The following PAX2 variants were observed in gnomAD, a reference collection of about 807,000 sequenced individuals.
PAX2 encodes paired box protein Pax-2.
A neutral mutation model predicts 41.7 loss-of-function variants in PAX2; 9 were observed. The observed-to-expected ratio is 0.22, with a 90% CI of 0.13 to 0.38. PAX2 has a LOEUF of 0.38. PAX2 is among the 10% of genes least tolerant of loss of function. The probability of loss-of-function intolerance (pLI) is 1.00; values close to 1 mark genes in which losing one functional copy is unlikely to be tolerated. For synonymous variants in PAX2, 221 were observed against 212.7 expected (o/e 1.04, Z -0.34); for missense variants, 418 against 531.6 (o/e 0.79, Z 2.10).
intron 3 of PAX2, among the ~76,000 whole-genome samples, chr10:100,753,473 C>T (rs1845518030): frequency 6.6e-6 from 1 of 152,184 alleles, no homozygotes; most frequent in South Asian, 2.1e-4. Context: ...TGCCTTTTAT[C>T]AGTTCTGGGA....
intron 3 of PAX2, among the ~76,000 whole-genome samples, chr10:100,754,743 C>T (rs544592243): frequency 2.6e-5 from 4 of 152,298 alleles, no homozygotes; most frequent in Admixed American, 6.5e-5. Flanking sequence ...AGATATGTTC[C>T]GGGCTAGGGT....
chr10:100,760,453 A>T (rs1165777468), intron 3 of PAX2, among the ~76,000 whole-genome samples: 1 of 152,204 alleles, frequency 6.6e-6, no homozygotes, highest in African/African-American at 2.4e-5. Context: ...GTCCCGACAC[A>T]TCTAGTCTGT....
chr10:100,764,432 G>A (rs1245996479), intron 3 of PAX2, among the ~76,000 whole-genome samples: 9 of 152,096 alleles, frequency 5.9e-5, no homozygotes, highest in African/African-American at 1.9e-4. Flanking sequence ...GTCAGCCACC[G>A]TGGCCGGCCT....
chr10:100,762,463 G>A (rs1845873637), intron 3 of PAX2, among the ~76,000 whole-genome samples: 1 of 152,156 alleles, frequency 6.6e-6, no homozygotes, highest in Non-Finnish European at 1.5e-5. Flanking sequence ...TCCCTTGCAA[G>A]GAGTCATTTA....
At chr10:100,811,914 G>C (rs1413001394) in intron 7 of PAX2, among the ~76,000 whole-genome samples, 1 of 152,204 alleles carries the variant, frequency 6.6e-6, no homozygotes, top group Non-Finnish European at 1.5e-5. Flanking sequence ...GAATGCCCTA[G>C]CCCAACCTGA....
chr10:100,757,930 G>T (rs1458085577), intron 3 of PAX2, among the ~76,000 whole-genome samples: 1 of 152,174 alleles, frequency 6.6e-6, no homozygotes, highest in Non-Finnish European at 1.5e-5. Context: ...GGAACTCTCA[G>T]GTAAGAGAGG....
At chr10:100,781,462 G>A (rs1846620949) in intron 5 of PAX2, 97 bp downstream of exon 5, 1 of 1,310,174 alleles carries the variant, frequency 7.6e-7, no homozygotes, top group African/African-American at 1.4e-5. Flanking sequence ...GCTCTGCTGT[G>A]AGATCAATTT....
chr10:100,789,793 G>A (rs968625410), intron 5 of PAX2, among the ~76,000 whole-genome samples: 6 of 152,198 alleles, frequency 3.9e-5, no homozygotes, highest in Non-Finnish European at 5.9e-5. Context: ...CCTGAGGGGG[G>A]AGGTTTTCTG....
At chr10:100,742,489 G>T (rs1206306707), upstream of PAX2, among the ~76,000 whole-genome samples, 3 of 152,158 alleles carry the variant, frequency 2.0e-5, no homozygotes, top group African/African-American at 7.2e-5. Context: ...GGGCAAGCCT[G>T]GCAGGGAAGG....
At chr10:100,781,398 T>G in intron 5 of PAX2, 33 bp downstream of exon 5, 1 of 1,612,288 alleles carries the variant, frequency 6.2e-7, no homozygotes, top group African/African-American at 1.3e-5. Context: ...GGCTTCCCCT[T>G]CACATGCTTT....
rs199825987 is a variant in PAX2, at chr10:100,746,260, C to G, written c.-1C>G. ...CGCTGCTCCCGCTCCTCTGCCTCCC[C>G]ATGGATATGCACTGCAAAGCAGACC... On this transcript the variant is annotated 5_prime_UTR_variant, in exon 1 of 10. Coordinates refer to ENST00000355243, the MANE Select transcript of PAX2 (RefSeq NM_000278.5). The G allele has an allele frequency of 1.1e-5, 17 of 1,613,726 alleles. No individual in the cohort carries two copies. In the African/African-American group the frequency reaches 2.0e-4, roughly 19 times the overall value.
Position 100,824,562 on chromosome 10 carries a change from G to A in PAX2, c.920-86G>A. The stretch of plus-strand genomic sequence containing the variant: ...GCACAGAGCTCTTTCCTCTCCAAGA[G>A]TTTCCTCTCCGTGCAGTACCCTGGT... On this transcript the variant is annotated intron_variant, in intron 7 of 9. Coordinates refer to ENST00000355243, the MANE Select transcript of PAX2 (RefSeq NM_000278.5). The surrounding 1 kb of genome is among the most constrained non-coding windows in gnomAD (Gnocchi z 6.6). The A allele has an allele frequency of 1.0e-6, 1 of 964,006 alleles. No individual in the cohort carries two copies. The highest frequency in any genetic ancestry group is 2.4e-5 in the East Asian group (1 of 42,070). 59.7% of individuals were successfully genotyped at this position (964,006 alleles called of 1,614,324 possible). A position where few individuals can be genotyped will look rare whatever the true frequency, so the allele number is the denominator to read the frequency against.
At position 100,824,968 on chromosome 10, in the gene PAX2, C is replaced by G. The variant is rs764150093; in HGVS notation, c.1021+219C>G. 3.1e-6 allele frequency: 5 copies of G among 1,614,024 alleles called. No individual in the cohort carries two copies. Among genetic ancestry groups the G allele is most frequent in the Non-Finnish European group, 3.4e-6 (4 of 1,179,938 alleles). On this transcript the variant is annotated intron_variant, in intron 8 of 9. Coordinates refer to ENST00000355243, the MANE Select transcript of PAX2 (RefSeq NM_000278.5). This position sits in a 1 kb window ranked among gnomAD's most constrained non-coding sequence, Gnocchi z 6.6. ...GGGAGGAAGCTTGCAGAAGTGCCCC[C>G]TTGTGTGCAACCCACTGTATGTCAT...
intron 3 of PAX2, among the ~76,000 whole-genome samples, chr10:100,773,082 G>A (rs532426102): frequency 2.0e-5 from 3 of 152,336 alleles, no homozygotes; most frequent in Non-Finnish European, 4.4e-5. Context: ...AATTTAGCAG[G>A]TAAGGGATTA....
At chr10:100,761,688 A>G (rs1174217500) in intron 3 of PAX2, among the ~76,000 whole-genome samples, 1 of 152,234 alleles carries the variant, frequency 6.6e-6, no homozygotes, top group Non-Finnish European at 1.5e-5. Context: ...AAATGCAAAT[A>G]CAATGAGATT....
rs1316053117 is a variant in PAX2, at chr10:100,750,132, CCCCTGGT to C, written c.212+226_212+232del. Among the ~76,000 whole-genome samples the C allele has an allele frequency of 6.6e-6, 1 of 152,338 alleles. No homozygotes were observed. The highest frequency in any genetic ancestry group is 1.5e-5 in the Non-Finnish European group (1 of 68,040). On this transcript the variant is annotated intron_variant, in intron 2 of 9. Transcript: ENST00000355243. This position sits in a 1 kb window ranked among gnomAD's most constrained non-coding sequence, Gnocchi z 4.1. ...GCAGTGTCACCCAGTGCTTGCCCTG[CCCCTGGT>C]CCCTGGTGAGAAGGCAGCCCGTTTC...
chr10:100,790,882 C>T (rs1266492465), intron 5 of PAX2, among the ~76,000 whole-genome samples: 7 of 152,188 alleles, frequency 4.6e-5, no homozygotes, highest in African/African-American at 1.7e-4. Context: ...GAGGGCTGGG[C>T]CTGGCTCAGG....
upstream of PAX2, among the ~76,000 whole-genome samples, chr10:100,743,323 G>A (rs541999928): frequency 5.9e-5 from 9 of 152,218 alleles, no homozygotes; most frequent in South Asian, 2.1e-4. Context: ...AATCCTTCTC[G>A]CCCAACATGT....
chr10:100,783,921 C>T (rs1056996376), intron 5 of PAX2, among the ~76,000 whole-genome samples: 1 of 152,114 alleles, frequency 6.6e-6, no homozygotes, highest in African/African-American at 2.4e-5. Flanking sequence ...CCTCCTCTTA[C>T]CAACTCCTCT....
Sources: allele counts gnomAD v4.1 joint callset (sites outside exome capture counted in the v4.1 genomes callset), GRCh38; gene constraint gnomAD v4.1.1; non-coding constraint Gnocchi (gnomAD v3.1); transcripts MANE v1.5; gene names NCBI Gene and HGNC (gene_info 2026-07-23, HGNC 2026-07-21).